Variants in KCNJ8 observed in about 807,000 individuals in gnomAD.
The protein encoded by KCNJ8 is potassium inwardly rectifying channel subfamily J member 8, also known as ATP-sensitive inward rectifier potassium channel 8.
Under a neutral mutation model 28.2 loss-of-function variants are expected in KCNJ8, and 13 were observed. The observed-to-expected ratio is 0.46, with a 90% confidence interval of 0.30 to 0.73. KCNJ8 has a LOEUF of 0.73. Ranked by LOEUF, KCNJ8 falls within the 30% of genes least tolerant of loss-of-function variation. The pLI is 0.07. For missense variants in KCNJ8, 284 were observed against 542.6 expected (o/e 0.52, Z 4.73); for synonymous variants, 188 against 195.9 (o/e 0.96, Z 0.34).
At position 21,770,836 on chromosome 12, in the gene KCNJ8, C is replaced by G. The variant is rs187305449; in HGVS notation, c.374+2407G>C. Among the ~76,000 whole-genome samples, 21 of 152,260 alleles carry G rather than the reference C, an allele frequency of 1.4e-4. No homozygotes were observed. The East Asian group carries it at 3.3e-3, about 24-fold the overall frequency. ...CTTCTCTAACTTTATAGAAGACAAG[C>G]CTACACATTAGCAATCTCTCAAAGT... On this transcript the variant is annotated intron_variant, in intron 2 of 2. Coordinates refer to ENST00000240662, the MANE Select transcript of KCNJ8 (RefSeq NM_004982.4).
Position 21,766,284 on chromosome 12 carries a change from C to T in KCNJ8, c.714G>A (p.Gly238=), listed in dbSNP as rs1386571911. 2 of 1,614,008 alleles carry T rather than the reference C, an allele frequency of 1.2e-6. No homozygotes were observed. The highest frequency in any genetic ancestry group is 1.7e-6 in the Non-Finnish European group (2 of 1,180,040). ...CCAGTTGGTGAATAGGAACCACCTC[C>T]CCTTCAGGTGTAGTTGTTTTCTTGA... ...QVVKKTTTPE[G]EVVPIHQLDI... Residue 238 remains glycine, a synonymous_variant, in exon 3 of 3, where the codon GGG becomes GGA. Coordinates refer to ENST00000240662, the MANE Select transcript of KCNJ8 (RefSeq NM_004982.4). The surrounding 1 kb of genome is among the most constrained non-coding windows in gnomAD (Gnocchi z 6.5).
intron 2 of KCNJ8, among the ~76,000 whole-genome samples, chr12:21,771,161 A>G (rs1232377398): frequency 6.6e-6 from 1 of 152,180 alleles, no homozygotes; most frequent in Non-Finnish European, 1.5e-5. Context: ...TATGGATACA[A>G]CACTGATTTC....
rs1451273586 is a variant in KCNJ8 at position 21,773,106 on chromosome 12, G to A, written c.374+137C>T. 3.0e-6 allele frequency: 3 copies of A among 990,618 alleles called. No homozygotes were observed. The highest frequency in any genetic ancestry group is 4.7e-6 in the Non-Finnish European group (3 of 640,012). The allele number at this position is 990,618 out of a possible 1,614,324, so 61.4% of individuals were successfully genotyped here. A position where few individuals can be genotyped will look rare whatever the true frequency, so the allele number is the denominator to read the frequency against. On this transcript the variant is annotated intron_variant, in intron 2 of 2. Transcript: ENST00000240662. The surrounding 1 kb of genome is among the most constrained non-coding windows in gnomAD (Gnocchi z 4.6). ...TGTGTTAGGTGTTGTTCTTTATTGT[G>A]CTTTTTTGTTTCTGAAGATTCTAAA...
rs1405853947 is a variant in KCNJ8, at chr12:21,766,260, C to A, written c.738G>T (p.Leu246=). 6.2e-7 allele frequency: 1 copy of A among 1,614,102 alleles called. No individual in the cohort carries two copies. Among genetic ancestry groups the A allele is most frequent in the Non-Finnish European group, 8.5e-7 (1 of 1,180,014 alleles). Residue 246 remains leucine, a synonymous_variant, in exon 3 of 3, where the codon CTG becomes CTT. Transcript: ENST00000240662. This position sits in a 1 kb window ranked among gnomAD's most constrained non-coding sequence, Gnocchi z 6.5. Reference sequence around the variant, plus strand: ...CGATTGGGTTATCAACAGGAATGTCCAGTTGGTGAATAGGAACCACCTCCC... The same window carrying A: ...CGATTGGGTTATCAACAGGAATGTCAAGTTGGTGAATAGGAACCACCTCCC... ...PEGEVVPIHQ[L]DIPVDNPIES...
chr12:21,773,416 C>T lies in KCNJ8; in HGVS notation c.201G>A (p.Leu67=). The part of the protein sequence containing the change: ...LQDIFTTLVD[L]KWRHTLVIFT... ...AGATGACCAGCGTGTGGCGCCATTT[C>T]AGGTCCACCAAGGTGGTGAAGATGT... is the stretch of plus-strand genomic sequence containing the variant. Residue 67 remains leucine, a synonymous_variant, in exon 2 of 3, where the codon CTG becomes CTA. Transcript: ENST00000240662. The surrounding 1 kb of genome is among the most constrained non-coding windows in gnomAD (Gnocchi z 4.6). 1 of 1,614,262 alleles carries T rather than the reference C, an allele frequency of 6.2e-7. No homozygotes were observed.
intron 2 of KCNJ8, among the ~76,000 whole-genome samples, chr12:21,771,868 T>C (rs922330796): frequency 2.0e-5 from 3 of 152,240 alleles, no homozygotes; most frequent in African/African-American, 7.2e-5. Flanking sequence ...TAACGGATAT[T>C]TTAAGTATTG....
In KCNJ8 at chr12:21,768,904, TAAGAA is replaced by T. The variant is rs1246266321; in HGVS notation, c.375-2286_375-2282del. ...CTAGAAGAGATTGGTTCAGGAGGCT[TAAGAA>T]AAGAAGCCACCTTCAAAACAGAAAA... On this transcript the variant is annotated intron_variant, in intron 2 of 2. Transcript: ENST00000240662. 5.3e-5 allele frequency among the ~76,000 whole-genome samples: 8 copies of T among 152,224 alleles called. 1 individual carries two copies. Among genetic ancestry groups the T allele is most frequent in the African/African-American group, 1.9e-4 (8 of 41,542 alleles).
chr12:21,773,166 G>T lies in KCNJ8; in HGVS notation c.374+77C>A, dbSNP rs1940800412. The T allele has an allele frequency of 4.2e-6, 6 of 1,445,242 alleles. No homozygotes were observed. The highest frequency in any genetic ancestry group is 1.4e-5 in the African/African-American group (1 of 72,308). 89.5% of individuals were successfully genotyped at this position (1,445,242 alleles called of 1,614,324 possible). Reference sequence around the variant, plus strand: ...TTATTTCACTTTCAATTAAATAACAGAATGATAAGAGAAAGGGCATTTTGA... The same window carrying T: ...TTATTTCACTTTCAATTAAATAACATAATGATAAGAGAAAGGGCATTTTGA... On this transcript the variant is annotated intron_variant, in intron 2 of 2. Coordinates refer to ENST00000240662, the MANE Select transcript of KCNJ8 (RefSeq NM_004982.4). The surrounding 1 kb of genome is among the most constrained non-coding windows in gnomAD (Gnocchi z 4.6).
chr12:21,770,149 A>G (rs1484877888), intron 2 of KCNJ8, among the ~76,000 whole-genome samples: 2 of 152,204 alleles, frequency 1.3e-5, no homozygotes, highest in African/African-American at 4.8e-5. Flanking sequence ...AGAAGTTGCC[A>G]CAGCCACCCC....
chr12:21,773,392 G>A lies in KCNJ8; in HGVS notation c.225C>T (p.Ile75=), dbSNP rs1940806660. 6.2e-7 allele frequency: 1 copy of A among 1,614,150 alleles called. No homozygotes were observed. The highest frequency in any genetic ancestry group is 1.3e-5 in the African/African-American group (1 of 74,948). ...VDLKWRHTLV[I]FTMSFLCSWL... Reference sequence around the variant, plus strand: ...AGCTGCAGAGGAAGGACATGGTAAAGATGACCAGCGTGTGGCGCCATTTCA... The same window carrying A: ...AGCTGCAGAGGAAGGACATGGTAAAAATGACCAGCGTGTGGCGCCATTTCA... The change falls in exon 2 of 3, where the codon ATC becomes ATT. Residue 75 remains isoleucine, a synonymous_variant. Transcript: ENST00000240662. The surrounding 1 kb of genome is among the most constrained non-coding windows in gnomAD (Gnocchi z 4.6).
Position 21,765,594 on chromosome 12 carries a change from T to C in KCNJ8, c.*129A>G. The C allele has an allele frequency of 1.2e-6, 1 of 832,366 alleles. No individual in the cohort carries two copies. Among genetic ancestry groups the C allele is most frequent in the Admixed American group, 1.8e-5 (1 of 55,012 alleles). The allele number at this position is 832,366 out of a possible 1,614,324, so 51.6% of individuals were successfully genotyped here. On this transcript the variant is annotated 3_prime_UTR_variant, in exon 3 of 3. Coordinates refer to ENST00000240662, the MANE Select transcript of KCNJ8 (RefSeq NM_004982.4). ...ACTACAGAAAGTGCTGTTGCTTGAA[T>C]ATGAATATCATTTAGTGTAATAAAA...
At position 21,765,109 on chromosome 12, in the gene KCNJ8, A is replaced by G. The variant is rs1389842748; in HGVS notation, c.*614T>C. ...GCTTTCCTTCAAAGACACCTTGTCC[A>G]GCTCTGCCCAACAGGCCGCAATGAG... On this transcript the variant is annotated 3_prime_UTR_variant, in exon 3 of 3. Coordinates refer to ENST00000240662, the MANE Select transcript of KCNJ8 (RefSeq NM_004982.4). The G allele has an allele frequency of 1.3e-5, 2 of 159,756 alleles. No individual in the cohort carries two copies. The highest frequency in any genetic ancestry group is 6.0e-5 in the Admixed American group (1 of 16,800). The allele number at this position is 159,756 out of a possible 1,614,324, so 9.9% of individuals were successfully genotyped here.
Position 21,773,217 on chromosome 12 carries a change from C to A in KCNJ8, c.374+26G>T. ...CATTTTTTCTCTACTGTTTTCAACC[C>A]CTGCCTCATCCCACTACATTCTTAC... On this transcript the variant is annotated intron_variant, in intron 2 of 2. Transcript: ENST00000240662. This position sits in a 1 kb window ranked among gnomAD's most constrained non-coding sequence, Gnocchi z 4.6. 2 of 1,611,080 alleles carry A rather than the reference C, an allele frequency of 1.2e-6. No homozygotes were observed. The highest frequency in any genetic ancestry group is 1.7e-6 in the Non-Finnish European group (2 of 1,179,612).
At chr12:21,769,828 T>C (rs1940715503) in intron 2 of KCNJ8, among the ~76,000 whole-genome samples, 1 of 152,230 alleles carries the variant, frequency 6.6e-6, no homozygotes, top group Non-Finnish European at 1.5e-5. Context: ...ACTGAATTGC[T>C]GCAATCTCAT....
At chr12:21,770,404 T>C (rs1178716175) in intron 2 of KCNJ8, among the ~76,000 whole-genome samples, 1 of 152,230 alleles carries the variant, frequency 6.6e-6, no homozygotes, top group Non-Finnish European at 1.5e-5. Context: ...TGTAACTGTC[T>C]TTATTTTGAT....
rs1187743337 is a variant in KCNJ8, at chr12:21,765,500, A to G, written c.*223T>C. 3 of 586,696 alleles carry G rather than the reference A, an allele frequency of 5.1e-6. No individual in the cohort carries two copies. Among genetic ancestry groups the G allele is most frequent in the Non-Finnish European group, 9.1e-6 (3 of 329,304 alleles). 36.3% of individuals were successfully genotyped at this position (586,696 alleles called of 1,614,324 possible). ...CCCCTGCACATAACTTAAGTATATCACTGCGAATTCTACATGTATGAAACA... is the reference window on the plus strand; with the variant it reads ...CCCCTGCACATAACTTAAGTATATCGCTGCGAATTCTACATGTATGAAACA... On this transcript the variant is annotated 3_prime_UTR_variant, in exon 3 of 3. Transcript: ENST00000240662.
At position 21,765,896 on chromosome 12, in the gene KCNJ8, T is replaced by C; in HGVS notation, c.1102A>G (p.Thr368Ala). The change falls in exon 3 of 3, where the codon ACC becomes GCC. Residue 368 changes from threonine (T) to alanine (A), a missense_variant. Thr to Ala is a moderately conservative substitution (Grantham distance 58, BLOSUM62 0). Coordinates refer to ENST00000240662, the MANE Select transcript of KCNJ8 (RefSeq NM_004982.4). ...TGAGACAGTTCACTCTTTTGGAGGG[T>C]CTGAATAAGGATGGAAGGTTTCTCA... ...LDEKPSILIQTLQKSELSHQN... is the reference protein window; with the variant it reads ...LDEKPSILIQALQKSELSHQN... 1.9e-6 allele frequency: 3 copies of C among 1,614,092 alleles called. No homozygotes were observed. The highest frequency in any genetic ancestry group is 1.7e-6 in the Non-Finnish European group (2 of 1,180,034).
chr12:21,773,076 C>T lies in KCNJ8; in HGVS notation c.374+167G>A, dbSNP rs902005416. Among the ~76,000 whole-genome samples the T allele has an allele frequency of 1.3e-5, 2 of 152,210 alleles. No individual in the cohort carries two copies. The highest frequency in any genetic ancestry group is 2.9e-5 in the Non-Finnish European group (2 of 68,028). Reference sequence around the variant, plus strand: ...TCCATAAAGCTGCATTTAAAAAATACTTACTGTGTTAGGTGTTGTTCTTTA... The same window carrying T: ...TCCATAAAGCTGCATTTAAAAAATATTTACTGTGTTAGGTGTTGTTCTTTA... On this transcript the variant is annotated intron_variant, in intron 2 of 2. Coordinates refer to ENST00000240662, the MANE Select transcript of KCNJ8 (RefSeq NM_004982.4). This position sits in a 1 kb window ranked among gnomAD's most constrained non-coding sequence, Gnocchi z 4.6.
chr12:21,774,330 CTTTTTTT>C (rs113701092), intron 1 of KCNJ8, among the ~76,000 whole-genome samples: 1 of 126,938 alleles, frequency 7.9e-6, no homozygotes, highest in African/African-American at 2.9e-5. Context: ...AAATTGAAAA[CTTTTTTT>C]TTTTTTTTTT....
Sources: allele counts gnomAD v4.1 joint callset (sites outside exome capture counted in the v4.1 genomes callset), GRCh38; gene constraint gnomAD v4.1.1; non-coding constraint Gnocchi (gnomAD v3.1); transcripts MANE v1.5; gene names NCBI Gene and HGNC (gene_info 2026-07-23, HGNC 2026-07-21).